Variants in DCC observed in about 807,000 individuals in gnomAD.
The protein encoded by DCC is netrin receptor DCC.
DCC carries 58 observed loss-of-function variants against 172.5 expected under a neutral mutation model. That is an observed-to-expected ratio of 0.34 (90% CI 0.27 to 0.42). The LOEUF (loss-of-function observed/expected upper bound fraction) is 0.42. Ranked by LOEUF, DCC falls within the 10% of genes least tolerant of loss-of-function variation. The pLI, the probability that DCC is intolerant of heterozygous loss-of-function variation, is 1.00. For missense variants in DCC, 1,740 were observed against 1,791.0 expected, an observed-to-expected ratio of 0.97 and a Z score of 0.51; for synonymous variants, 709 against 644.5, an observed-to-expected ratio of 1.10 and a Z score of -1.52.
intron 7 of DCC, among the ~76,000 whole-genome samples, chr18:53,152,402 G>A (rs943884514): frequency 6.6e-6 from 1 of 152,016 alleles, no homozygotes; most frequent in African/African-American, 2.4e-5. Context: ...AAAAATTGAA[G>A]CTTTATTTAA....
chr18:52,412,125 C>A (rs1167807697), intron 1 of DCC, among the ~76,000 whole-genome samples: 1 of 152,070 alleles, frequency 6.6e-6, no homozygotes, highest in Non-Finnish European at 1.5e-5. Context: ...ATTTATATTA[C>A]CAAAATGAGT....
At chr18:53,383,609 T>C (rs1907930280) in intron 15 of DCC, among the ~76,000 whole-genome samples, 1 of 150,920 alleles carries the variant, frequency 6.6e-6, no homozygotes, top group Non-Finnish European at 1.5e-5. Flanking sequence ...TTCTTTTTAA[T>C]AGGAATTAAT....
At chr18:53,332,877 C>A (rs2057546159) in intron 14 of DCC, among the ~76,000 whole-genome samples, 2 of 152,086 alleles carry the variant, frequency 1.3e-5, no homozygotes, top group South Asian at 4.1e-4. Context: ...CCAGCCTGGG[C>A]AACACAGGGA....
chr18:53,028,245 C>T (rs1228063042), intron 5 of DCC, among the ~76,000 whole-genome samples: 1 of 152,058 alleles, frequency 6.6e-6, no homozygotes, highest in Non-Finnish European at 1.5e-5. Flanking sequence ...TTAGCAGCAG[C>T]ACTCTTTTCG....
At chr18:52,816,657 T>C (rs1029770183) in intron 2 of DCC, 2 of 152,156 alleles carry the variant, frequency 1.3e-5, no homozygotes, top group African/African-American at 4.8e-5. Context: ...GCTGAGAAAG[T>C]TTGGACAACA....
intron 7 of DCC, among the ~76,000 whole-genome samples, chr18:53,110,969 A>G (rs2043321605): frequency 8.3e-6 from 1 of 121,200 alleles, no homozygotes; most frequent in South Asian, 3.2e-4. Flanking sequence ...TTGTGGCACT[A>G]TTCACAATAG....
intron 5 of DCC, among the ~76,000 whole-genome samples, chr18:52,974,180 C>A (rs1266777663): frequency 6.6e-6 from 1 of 152,026 alleles, no homozygotes; most frequent in East Asian, 1.9e-4. Context: ...TAAGGACAGG[C>A]CAGATACAAA....
chr18:53,438,839 C>A (rs1274998646), intron 22 of DCC, among the ~76,000 whole-genome samples: 1 of 152,058 alleles, frequency 6.6e-6, no homozygotes, highest in Non-Finnish European at 1.5e-5. Flanking sequence ...GAAAACTGAC[C>A]AAAATTAAAT....
intron 1 of DCC, among the ~76,000 whole-genome samples, chr18:52,523,598 C>T (rs185447748): frequency 6.6e-6 from 1 of 152,264 alleles, no homozygotes; most frequent in East Asian, 1.9e-4. Context: ...TCAAAAGCTG[C>T]ATTAACTCTA....
At chr18:53,091,122 C>T (rs777995555) in intron 7 of DCC, among the ~76,000 whole-genome samples, 10 of 151,864 alleles carry the variant, frequency 6.6e-5, no homozygotes, top group East Asian at 3.9e-4. Context: ...AAACAGAAAA[C>T]GGCTATCTTA....
chr18:53,453,201 C>G (rs1323774495), intron 23 of DCC, among the ~76,000 whole-genome samples: 7 of 152,146 alleles, frequency 4.6e-5, no homozygotes, highest in African/African-American at 1.7e-4. Context: ...AGGTGTGAGC[C>G]ACCGCGCCCG....
At chr18:52,764,161 G>A (rs1230495975) in intron 2 of DCC, among the ~76,000 whole-genome samples, 1 of 152,152 alleles carries the variant, frequency 6.6e-6, no homozygotes, top group Non-Finnish European at 1.5e-5. Context: ...TTGTAAGCCA[G>A]GATTTGTTTT....
chr18:52,986,313 T>C (rs2041292024), intron 5 of DCC, among the ~76,000 whole-genome samples: 1 of 152,156 alleles, frequency 6.6e-6, no homozygotes, highest in African/African-American at 2.4e-5. Flanking sequence ...AGAAATCTTA[T>C]TGGTAATGAT....
At chr18:53,319,619 T>A (rs1212512642) in intron 13 of DCC, among the ~76,000 whole-genome samples, 1 of 152,172 alleles carries the variant, frequency 6.6e-6, no homozygotes, top group Non-Finnish European at 1.5e-5. Context: ...AAATACATAC[T>A]AAGAAAAGTA....
At chr18:52,504,218 C>T (rs971216532) in intron 1 of DCC, among the ~76,000 whole-genome samples, 1 of 152,114 alleles carries the variant, frequency 6.6e-6, no homozygotes, top group African/African-American at 2.4e-5. Flanking sequence ...ATATCTGTAT[C>T]ATGGTCTTCC....
intron 16 of DCC, among the ~76,000 whole-genome samples, chr18:53,387,877 G>A (rs3794922): frequency 0.43 from 64,661 of 152,050 alleles, 15,519 homozygotes; most frequent in Non-Finnish European, 0.55. Context: ...CCCCAAGGAA[G>A]GACCACTGAG....
chr18:52,642,098 TC>T (rs2034918142), intron 1 of DCC, among the ~76,000 whole-genome samples: 2 of 129,012 alleles, frequency 1.6e-5, no homozygotes, highest in African/African-American at 3.2e-5. Context: ...ACACACACAC[TC>T]ACACACACAT....
chr18:52,829,650 A>G (rs2038576855), intron 2 of DCC, among the ~76,000 whole-genome samples: 1 of 151,748 alleles, frequency 6.6e-6, no homozygotes, highest in African/African-American at 2.4e-5. Flanking sequence ...ATGATACTTT[A>G]AAAAGCATGT....
chr18:53,395,692 G>C (rs1487354161), intron 17 of DCC, among the ~76,000 whole-genome samples: 4 of 152,088 alleles, frequency 2.6e-5, no homozygotes, highest in African/African-American at 9.7e-5. Context: ...GTCCAGGCTG[G>C]AGTGCAATGG....
Sources: allele counts gnomAD v4.1 joint callset (sites outside exome capture counted in the v4.1 genomes callset), GRCh38; gene constraint gnomAD v4.1.1; transcripts MANE v1.5; gene names NCBI Gene and HGNC (gene_info 2026-07-23, HGNC 2026-07-21).